SLC28A1: variants seen among roughly 807,000 people sequenced by gnomAD.
The protein encoded by SLC28A1 is sodium/nucleoside cotransporter 1.
Under a neutral mutation model 74.8 loss-of-function variants are expected in SLC28A1, and 64 were observed. The observed-to-expected ratio is 0.86, with a 90% CI of 0.70 to 1.05. SLC28A1 has a LOEUF of 1.05. SLC28A1 is among the 50% of genes least tolerant of loss of function. SLC28A1 has a pLI of 0.00. For synonymous variants in SLC28A1, 359 were observed against 335.0 expected (o/e 1.07, Z -0.78); for missense variants, 828 against 822.8 (o/e 1.01, Z -0.08).
Position 84,945,662 on chromosome 15 carries a change from A to G in SLC28A1, c.*462A>G. 1 of 225,296 alleles carries G rather than the reference A, an allele frequency of 4.4e-6. No individual in the cohort carries two copies. The highest frequency in any genetic ancestry group is 8.8e-6 in the Non-Finnish European group (1 of 113,156). 14.0% of individuals were successfully genotyped at this position (225,296 alleles called of 1,614,324 possible). A position where few individuals can be genotyped will look rare whatever the true frequency, so the allele number is the denominator to read the frequency against. On this transcript the variant is annotated 3_prime_UTR_variant, in exon 19 of 19. Coordinates refer to ENST00000394573, the MANE Select transcript of SLC28A1 (RefSeq NM_004213.5). ...CACCTCTTTCTCTGCTTTCAGAGAA[A>G]CCCTTCCCGCCTTTCCTCAGAGTGC...
intron 12 of SLC28A1, among the ~76,000 whole-genome samples, chr15:84,926,793 G>C (rs1970559417): frequency 2.6e-5 from 3 of 114,874 alleles, no homozygotes; most frequent in African/African-American, 3.1e-5. Context: ...CTGTGTGGGG[G>C]GTGGGGGGAG....
downstream of SLC28A1, among the ~76,000 whole-genome samples, chr15:84,947,081 T>C (rs1209244678): frequency 6.6e-6 from 1 of 152,232 alleles, no homozygotes; most frequent in African/African-American, 2.4e-5. Flanking sequence ...CCACAGACTT[T>C]GGTTCCAGTG....
intron 2 of SLC28A1, chr15:84,887,355 C>T: frequency 1.0e-6 from 1 of 985,416 alleles, no homozygotes. Context: ...GCCTGGAACT[C>T]CCAGAGTTCA....
chr15:84,901,466 G>T (rs1966678396), intron 6 of SLC28A1, among the ~76,000 whole-genome samples: 1 of 151,910 alleles, frequency 6.6e-6, no homozygotes, highest in Non-Finnish European at 1.5e-5. Context: ...AGGATCTTGT[G>T]CCTCTGCACT....
Position 84,945,150 on chromosome 15 carries a change from G to A in SLC28A1, c.1900G>A (p.Ala634Thr). 1.9e-6 allele frequency: 3 copies of A among 1,614,082 alleles called. No homozygotes were observed. Among genetic ancestry groups the A allele is most frequent in the Non-Finnish European group, 2.5e-6 (3 of 1,179,992 alleles). ...QSVNPEFSPE[A>T]LDNCCRFYNH... The stretch of plus-strand genomic sequence containing the variant: ...CGTCAATCCAGAGTTCAGCCCAGAG[G>A]CCCTGGACAACTGCTGTCGGTTTTA... Residue 634 changes from alanine to threonine, a missense_variant, in exon 19 of 19, where the codon GCC becomes ACC. Ala to Thr is a moderately conservative substitution (Grantham distance 58). This residue lies in a region of SLC28A1 where 53 missense variants were observed against 44.5 expected (regional missense o/e 1.19). Coordinates refer to ENST00000394573, the MANE Select transcript of SLC28A1 (RefSeq NM_004213.5).
At chr15:84,888,944 T>C in intron 4 of SLC28A1, 84 bp downstream of exon 4, 1 of 960,670 alleles carries the variant, frequency 1.0e-6, no homozygotes, top group South Asian at 1.4e-5. Context: ...TCCTGGCGGA[T>C]GGGAGTTGGG....
At chr15:84,920,251 G>A (rs1420744833) in intron 10 of SLC28A1, among the ~76,000 whole-genome samples, 1 of 152,208 alleles carries the variant, frequency 6.6e-6, no homozygotes, top group African/African-American at 2.4e-5. Flanking sequence ...TTCGAGACCA[G>A]TCTGGCCAAC....
chr15:84,957,839 C>G, the SLC28A1 span, among the ~76,000 whole-genome samples: 1 of 152,148 alleles, frequency 6.6e-6, no homozygotes, highest in Non-Finnish European at 1.5e-5. Context: ...ATCACCTCAT[C>G]AATTTCTGCA....
chr15:84,898,621 G>C (rs968308600), intron 6 of SLC28A1, among the ~76,000 whole-genome samples: 1 of 151,344 alleles, frequency 6.6e-6, no homozygotes, highest in Admixed American at 6.6e-5. Context: ...TTGGCTCCCA[G>C]TTAAGATGTG....
At chr15:84,922,151 A>G (rs1969903654) in intron 11 of SLC28A1, among the ~76,000 whole-genome samples, 1 of 151,614 alleles carries the variant, frequency 6.6e-6, no homozygotes, top group Non-Finnish European at 1.5e-5. Context: ...GTCCATCCAC[A>G]CTCCCTCCCT....
At chr15:84,910,769 A>G (rs923787847) in intron 9 of SLC28A1, among the ~76,000 whole-genome samples, 29 of 152,116 alleles carry the variant, frequency 1.9e-4, no homozygotes, top group African/African-American at 7.0e-4. Context: ...CACACACCCG[A>G]CACTCTGCAG....
intron 8 of SLC28A1, among the ~76,000 whole-genome samples, chr15:84,906,348 G>T (rs1967106069): frequency 6.6e-6 from 1 of 151,814 alleles, no homozygotes; most frequent in South Asian, 2.1e-4. Context: ...AGACAGTCTT[G>T]CTTTGACATC....
At chr15:84,895,262 C>T in intron 6 of SLC28A1, 139 bp downstream of exon 6, 1 of 1,573,056 alleles carries the variant, frequency 6.4e-7, no homozygotes. Context: ...GGGCAGGAGC[C>T]AGTGGGTGGC....
intron 12 of SLC28A1, among the ~76,000 whole-genome samples, chr15:84,925,697 C>T (rs1261244348): frequency 6.6e-6 from 1 of 152,154 alleles, no homozygotes; most frequent in African/African-American, 2.4e-5. Flanking sequence ...GACCACTGAC[C>T]TAAAATGTCA....
At chr15:84,890,924 G>A (rs1965303175) in intron 5 of SLC28A1, among the ~76,000 whole-genome samples, 1 of 152,168 alleles carries the variant, frequency 6.6e-6, no homozygotes, top group Non-Finnish European at 1.5e-5. Flanking sequence ...GGAGTCACAG[G>A]AGCAAAGGTG....
intron 11 of SLC28A1, among the ~76,000 whole-genome samples, chr15:84,922,521 C>G (rs890248358): frequency 6.6e-6 from 1 of 152,142 alleles, no homozygotes; most frequent in Non-Finnish European, 1.5e-5. Flanking sequence ...ATCTACAACC[C>G]CCCGCTGCCC....
chr15:84,933,974 CA>C (rs1567179250), intron 13 of SLC28A1, among the ~76,000 whole-genome samples: 1 of 152,110 alleles, frequency 6.6e-6, no homozygotes, highest in Non-Finnish European at 1.5e-5. Flanking sequence ...AACTCCGTCT[CA>C]AAAACAAAAC....
At chr15:84,910,494 T>C (rs1010662886) in intron 9 of SLC28A1, among the ~76,000 whole-genome samples, 12 of 152,278 alleles carry the variant, frequency 7.9e-5, no homozygotes, top group African/African-American at 2.2e-4. Context: ...TTTGGGAGGC[T>C]GAGGCAGGCG....
downstream of SLC28A1, among the ~76,000 whole-genome samples, chr15:84,947,721 A>C (rs78639736): frequency 0.016 from 2,440 of 152,264 alleles, 63 homozygotes; most frequent in African/African-American, 0.055. Flanking sequence ...GGCCTCTTGC[A>C]TAAGGACACT....
Sources: allele counts gnomAD v4.1 joint callset (sites outside exome capture counted in the v4.1 genomes callset), GRCh38; gene constraint gnomAD v4.1.1; regional missense constraint gnomAD v4.1.1; transcripts MANE v1.5; gene names NCBI Gene and HGNC (gene_info 2026-07-23, HGNC 2026-07-21).